The following ASAP1 variants were observed in gnomAD, a reference collection of about 807,000 sequenced individuals.
ASAP1 encodes the protein ArfGAP with SH3 domain, ankyrin repeat and PH domain 1.
A neutral mutation model predicts 145.2 loss-of-function variants in ASAP1; 43 were observed. The ratio of observed to expected loss-of-function variants is 0.30; its 90% confidence interval spans 0.23 to 0.38. The LOEUF (loss-of-function observed/expected upper bound fraction) is 0.38, where lower values mean the gene tolerates loss of function less well. Among genes scored for constraint, ASAP1 ranks in the 10% least tolerant of loss-of-function variants. ASAP1 has a pLI of 1.00. For synonymous variants in ASAP1, 546 were observed against 515.5 expected, an observed-to-expected ratio of 1.06 and a Z score of -0.80; for missense variants, 1,018 against 1,355.3, an observed-to-expected ratio of 0.75 and a Z score of 3.91.
intron 15 of ASAP1, among the ~76,000 whole-genome samples, chr8:130,134,014 G>A (rs1388617128): frequency 1.3e-5 from 2 of 152,228 alleles, no homozygotes; most frequent in Admixed American, 1.3e-4. Context: ...CAGGATCACA[G>A]AAGGTTATGA....
chr8:130,091,181 G>A (rs1333097972), intron 25 of ASAP1, among the ~76,000 whole-genome samples: 2 of 152,220 alleles, frequency 1.3e-5, no homozygotes, highest in Admixed American at 6.5e-5. Flanking sequence ...TATGCCAGGC[G>A]TGGTTCCAGT....
Position 130,242,947 on chromosome 8 carries a change from T to C in ASAP1, c.187-5953A>G, listed in dbSNP as rs370469053. On this transcript the variant is annotated intron_variant, in intron 3 of 29. Coordinates refer to ENST00000518721, the MANE Select transcript of ASAP1 (RefSeq NM_018482.4). Reference sequence around the variant, plus strand: ...GCATAGATTTTGGTATCTGTGGGGATCCTGGAACCAATTTCTCTGAGATTT... The same window carrying C: ...GCATAGATTTTGGTATCTGTGGGGACCCTGGAACCAATTTCTCTGAGATTT... 6.6e-5 allele frequency among the ~76,000 whole-genome samples: 10 copies of C among 152,124 alleles called. No homozygotes were observed. In the East Asian group the frequency reaches 1.4e-3, roughly 21 times the overall value.
chr8:130,353,194 A>G (rs1428826547), intron 3 of ASAP1, among the ~76,000 whole-genome samples: 1 of 152,204 alleles, frequency 6.6e-6, no homozygotes, highest in Non-Finnish European at 1.5e-5. Context: ...TAGCTTCTCC[A>G]TAATACAATC....
intron 5 of ASAP1, among the ~76,000 whole-genome samples, chr8:130,205,704 A>T (rs1423571045): frequency 6.7e-6 from 1 of 149,188 alleles, no homozygotes; most frequent in Middle Eastern, 3.5e-3. Flanking sequence ...TAGTCTTTAT[A>T]TATCAGACTT....
rs188105999 is a variant in ASAP1 at position 130,128,021 on chromosome 8, C to T, written c.1287G>A (p.Ala429=). 23 of 1,613,996 alleles carry T rather than the reference C, an allele frequency of 1.4e-5. No homozygotes were observed. In the South Asian group the frequency reaches 1.5e-4, roughly 11 times the overall value. The change falls in exon 16 of 30, where the codon GCG becomes GCA. Residue 429 remains alanine, a synonymous_variant. Coordinates refer to ENST00000518721, the MANE Select transcript of ASAP1 (RefSeq NM_018482.4). ...LTMAFRGEQS[A]GENSLEDLTK... ...TCAGGTCTTCCAGGCTGTTCTCTCC[C>T]GCACTCTGCTCTCCACGGAAGGCCA...
intron 13 of ASAP1, among the ~76,000 whole-genome samples, chr8:130,139,698 C>A (rs1473299821): frequency 6.6e-6 from 1 of 151,402 alleles, no homozygotes; most frequent in East Asian, 1.9e-4. Context: ...CATTGCACTC[C>A]AGCCTGGGCA....
intron 3 of ASAP1, among the ~76,000 whole-genome samples, chr8:130,326,212 A>C (rs186661333): frequency 1.1e-4 from 17 of 152,314 alleles, no homozygotes. Context: ...GCATATCCTT[A>C]CTGCTGGAGA....
chr8:130,305,551 G>A (rs1202391711), intron 3 of ASAP1, among the ~76,000 whole-genome samples: 3 of 151,944 alleles, frequency 2.0e-5, no homozygotes, highest in Admixed American at 2.0e-4. Flanking sequence ...TTTAGTAGAG[G>A]GGGTGTTTCA....
At chr8:130,186,106 T>C (rs1187225592) in intron 7 of ASAP1, among the ~76,000 whole-genome samples, 4 of 152,148 alleles carry the variant, frequency 2.6e-5, no homozygotes, top group African/African-American at 4.8e-5. Flanking sequence ...CATGCACTGT[T>C]GTCTCTGGGC....
intron 3 of ASAP1, among the ~76,000 whole-genome samples, chr8:130,248,283 A>G (rs1818977599): frequency 6.6e-6 from 1 of 152,032 alleles, no homozygotes; most frequent in South Asian, 2.1e-4. Context: ...ATCTACAAAG[A>G]CCTGTACCTC....
intron 1 of ASAP1, among the ~76,000 whole-genome samples, chr8:130,420,797 G>T (rs1416449484): frequency 6.6e-6 from 1 of 151,814 alleles, no homozygotes; most frequent in African/African-American, 2.4e-5. Context: ...GAAGGCTGAG[G>T]CAGGAGAATC....
At chr8:130,278,576 CT>C (rs1238392764) in intron 3 of ASAP1, among the ~76,000 whole-genome samples, 1 of 152,138 alleles carries the variant, frequency 6.6e-6, no homozygotes, top group Non-Finnish European at 1.5e-5. Context: ...AAGCCTTTCT[CT>C]TTTTTTCCTT....
At chr8:130,355,061 T>C (rs1309918094) in intron 3 of ASAP1, among the ~76,000 whole-genome samples, 1 of 152,166 alleles carries the variant, frequency 6.6e-6, no homozygotes, top group African/African-American at 2.4e-5. Context: ...AATTTTTTAG[T>C]AGAGATGGGG....
intron 5 of ASAP1, among the ~76,000 whole-genome samples, chr8:130,189,624 G>A (rs759139382): frequency 6.6e-6 from 1 of 152,078 alleles, no homozygotes; most frequent in Non-Finnish European, 1.5e-5. Flanking sequence ...ATGAGAGTAC[G>A]GGTTATCTTG....
intron 5 of ASAP1, among the ~76,000 whole-genome samples, chr8:130,189,048 C>T (rs1321996138): frequency 6.6e-6 from 1 of 151,810 alleles, no homozygotes; most frequent in African/African-American, 2.4e-5. Context: ...TTTATGGATA[C>T]ATAATAGTTG....
At chr8:130,357,939 C>A in intron 3 of ASAP1, 78 bp downstream of exon 3, 1 of 1,511,070 alleles carries the variant, frequency 6.6e-7, no homozygotes, top group Non-Finnish European at 8.9e-7. Context: ...TCCCCTTCCT[C>A]CCAGCTCGGA....
intron 23 of ASAP1, among the ~76,000 whole-genome samples, chr8:130,114,769 ATT>A (rs60433249): frequency 4.6e-4 from 62 of 134,902 alleles, no homozygotes; most frequent in African/African-American, 4.5e-4. Context: ...TTGAAGGTTA[ATT>A]TTTTTTTTTT....
intron 3 of ASAP1, among the ~76,000 whole-genome samples, 155 bp from the exon 4 acceptor site, chr8:130,237,149 T>G (rs1053806145): frequency 1.3e-5 from 2 of 152,102 alleles, no homozygotes; most frequent in African/African-American, 2.4e-5. Context: ...AGACTGGAAG[T>G]CCCTGGGATC....
rs1818433582 is a variant in ASAP1 at position 130,240,097 on chromosome 8, T to C, written c.187-3103A>G. On this transcript the variant is annotated intron_variant, in intron 3 of 29. Transcript: ENST00000518721. The stretch of plus-strand genomic sequence containing the variant: ...AGTTAACTCCAAATGAGCAAATGAA[T>C]GTGAAAGATTTCAGCCATAACATTT... 4.6e-5 allele frequency among the ~76,000 whole-genome samples: 7 copies of C among 152,140 alleles called. No homozygotes were observed. In the South Asian group the frequency reaches 1.4e-3, roughly 31 times the overall value.
Sources: allele counts gnomAD v4.1 joint callset (sites outside exome capture counted in the v4.1 genomes callset), GRCh38; gene constraint gnomAD v4.1.1; transcripts MANE v1.5; gene names NCBI Gene and HGNC (gene_info 2026-07-23, HGNC 2026-07-21).